PCSK6: variants seen among roughly 807,000 people sequenced by gnomAD.
PCSK6 encodes the protein paired basic amino acid cleaving enzyme 4.
A neutral mutation model predicts 123.3 loss-of-function variants in PCSK6; 85 were observed. The observed-to-expected ratio is 0.69, with a 90% CI of 0.58 to 0.83. PCSK6 has a LOEUF of 0.83. Ranked by LOEUF, PCSK6 falls within the 40% of genes least tolerant of loss-of-function variation. The pLI is 0.00. For synonymous variants in PCSK6, 508 were observed against 516.0 expected (o/e 0.98, Z 0.21); for missense variants, 1,191 against 1,282.3 (o/e 0.93, Z 1.09).
At chr15:101,371,123 C>G (rs182741493) in intron 11 of PCSK6, among the ~76,000 whole-genome samples, 2 of 152,306 alleles carry the variant, frequency 1.3e-5, no homozygotes, top group African/African-American at 2.4e-5. Context: ...AGGAGAATCT[C>G]TTGAACCCAG....
chr15:101,448,625 GAGT>G (rs1269652315), intron 1 of PCSK6, among the ~76,000 whole-genome samples: 1 of 152,236 alleles, frequency 6.6e-6, no homozygotes, highest in Non-Finnish European at 1.5e-5. Flanking sequence ...CAACTGTAGG[GAGT>G]AGATGTTATG....
At chr15:101,488,699 C>T (rs2058079922) in intron 1 of PCSK6, among the ~76,000 whole-genome samples, 1 of 152,142 alleles carries the variant, frequency 6.6e-6, no homozygotes, top group East Asian at 1.9e-4. Context: ...AAAGCGCCCT[C>T]CCTCCGCTCC....
In PCSK6 at chr15:101,347,604, C is replaced by T. The variant is rs184859943; in HGVS notation, c.1859-15573G>A. 649 of 1,507,602 alleles carry T rather than the reference C, an allele frequency of 4.3e-4. 4 individuals carry two copies. The African/African-American group carries it at 8.2e-3, about 19-fold the overall frequency. 93.4% of individuals were successfully genotyped at this position (1,507,602 alleles called of 1,614,324 possible). ...TCAACAACTGTTTGTGAGCCATGTC[C>T]AAAGTGCTGAGCCTCTGGGGGCGGG... On this transcript the variant is annotated intron_variant, in intron 13 of 21. Transcript: ENST00000611716.
chr15:101,337,388 A>G (rs1052340012), intron 13 of PCSK6: 2 of 152,224 alleles, frequency 1.3e-5, no homozygotes, highest in African/African-American at 2.4e-5. Context: ...CGTAAAAATG[A>G]GAATTCCATA....
At chr15:101,407,887 A>G (rs763181012) in intron 6 of PCSK6, among the ~76,000 whole-genome samples, 2 of 152,242 alleles carry the variant, frequency 1.3e-5, no homozygotes, top group Non-Finnish European at 2.9e-5. Context: ...ATGATTGTAC[A>G]TATTTAAACA....
At chr15:101,461,943 A>G (rs368946951) in intron 1 of PCSK6, among the ~76,000 whole-genome samples, 3 of 152,326 alleles carry the variant, frequency 2.0e-5, no homozygotes, top group Non-Finnish European at 4.4e-5. Flanking sequence ...GCTTTTATTC[A>G]TCATTATACT....
intron 20 of PCSK6, chr15:101,312,918 T>C (rs1378866209): frequency 2.2e-6 from 1 of 456,452 alleles, no homozygotes; most frequent in East Asian, 1.3e-4. Flanking sequence ...GGCATGAGAG[T>C]TGCTTGAATC....
Position 101,400,280 on chromosome 15 carries a change from T to C in PCSK6, c.824-1704A>G, listed in dbSNP as rs139604979. On this transcript the variant is annotated intron_variant, in intron 6 of 21. Transcript: ENST00000611716. Reference sequence around the variant, plus strand: ...CCCCACTGAGCTTTATACAGGGCATTTCCCTGTGCCATTAAAGACTCTTCC... The same window carrying C: ...CCCCACTGAGCTTTATACAGGGCATCTCCCTGTGCCATTAAAGACTCTTCC... 1.3e-3 allele frequency among the ~76,000 whole-genome samples: 203 copies of C among 152,312 alleles called. 5 individuals are homozygous for C. The East Asian group carries it at 0.034, about 25-fold the overall frequency.
intron 6 of PCSK6, among the ~76,000 whole-genome samples, chr15:101,419,354 A>G (rs534095446): frequency 6.6e-6 from 1 of 152,298 alleles, no homozygotes; most frequent in South Asian, 2.1e-4. Flanking sequence ...TATATATCTA[A>G]TAAGAAATGT....
At chr15:101,334,943 A>G (rs879525339) in intron 13 of PCSK6, among the ~76,000 whole-genome samples, 2 of 151,418 alleles carry the variant, frequency 1.3e-5, no homozygotes, top group Non-Finnish European at 2.9e-5. Context: ...GTTTGACTTT[A>G]TGTGTGTGTG....
chr15:101,432,870 A>G (rs1347810481), intron 2 of PCSK6, among the ~76,000 whole-genome samples: 3 of 152,240 alleles, frequency 2.0e-5, no homozygotes, highest in Admixed American at 6.5e-5. Context: ...CATATATTGG[A>G]ATATTTGGCA....
chr15:101,475,911 G>A (rs1407724636), intron 1 of PCSK6, among the ~76,000 whole-genome samples: 1 of 152,132 alleles, frequency 6.6e-6, no homozygotes, highest in African/African-American at 2.4e-5. Flanking sequence ...CACAAAATCG[G>A]TGGGGCCCAC....
At chr15:101,369,962 G>A (rs1012187055) in intron 12 of PCSK6, among the ~76,000 whole-genome samples, 3 of 152,164 alleles carry the variant, frequency 2.0e-5, no homozygotes, top group African/African-American at 4.8e-5. Flanking sequence ...ACACATGCTC[G>A]ATTCAAAAGC....
intron 13 of PCSK6, among the ~76,000 whole-genome samples, chr15:101,353,313 C>T (rs2040948206): frequency 6.6e-6 from 1 of 152,124 alleles, no homozygotes; most frequent in East Asian, 1.9e-4. Flanking sequence ...GAATCTAGTG[C>T]CTTTGCCGAT....
intron 3 of PCSK6, 67 bp downstream of exon 3, chr15:101,431,923 A>G: frequency 8.7e-7 from 1 of 1,143,308 alleles, no homozygotes; most frequent in African/African-American, 1.5e-5. Context: ...GTTGAGGGAA[A>G]TTAACCCATT....
chr15:101,327,009 C>A (rs563953751), intron 15 of PCSK6, among the ~76,000 whole-genome samples: 2 of 152,242 alleles, frequency 1.3e-5, no homozygotes, highest in South Asian at 4.1e-4. Context: ...TGGATCTCCG[C>A]ATGCTCAGGA....
intron 7 of PCSK6, among the ~76,000 whole-genome samples, chr15:101,394,373 T>C (rs1246836350): frequency 6.6e-6 from 1 of 152,122 alleles, no homozygotes; most frequent in South Asian, 2.1e-4. Flanking sequence ...CTCTATCCCA[T>C]ACCCACAGGA....
intron 11 of PCSK6, among the ~76,000 whole-genome samples, chr15:101,374,431 T>C (rs767026047): frequency 2.0e-5 from 3 of 152,220 alleles, no homozygotes; most frequent in Non-Finnish European, 2.9e-5. Flanking sequence ...CCTGGGAAGC[T>C]ACTCCATGTC....
intron 19 of PCSK6, among the ~76,000 whole-genome samples, chr15:101,314,571 G>C (rs1340066257): frequency 6.6e-6 from 1 of 152,220 alleles, no homozygotes; most frequent in Non-Finnish European, 1.5e-5. Context: ...CCTTTGCAGA[G>C]GTTCCGGAGC....
Sources: allele counts gnomAD v4.1 joint callset (sites outside exome capture counted in the v4.1 genomes callset), GRCh38; gene constraint gnomAD v4.1.1; transcripts MANE v1.5; gene names NCBI Gene and HGNC (gene_info 2026-07-23, HGNC 2026-07-21).